The following PPP2R3A variants were observed in gnomAD, a reference collection of about 807,000 sequenced individuals.
The protein encoded by PPP2R3A is serine/threonine-protein phosphatase 2A regulatory subunit B'' subunit alpha.
Under a neutral mutation model 106.9 loss-of-function variants are expected in PPP2R3A, and 80 were observed. That is an observed-to-expected ratio of 0.75 (90% CI 0.62 to 0.90). The LOEUF (loss-of-function observed/expected upper bound fraction) is 0.90, where lower values mean the gene tolerates loss of function less well. PPP2R3A is among the 40% of genes least tolerant of loss of function. The pLI is 0.00. For missense variants in PPP2R3A, 1,386 were observed against 1,350.4 expected (o/e 1.03, Z -0.41); for synonymous variants, 483 against 468.3 (o/e 1.03, Z -0.41).
intron 2 of PPP2R3A, among the ~76,000 whole-genome samples, chr3:136,021,952 T>G (rs2107815234): frequency 6.6e-6 from 1 of 152,238 alleles, no homozygotes; most frequent in African/African-American, 2.4e-5. Flanking sequence ...ATATTACACA[T>G]TTTATGTAAG....
chr3:136,091,455 A>ATATTTT (rs1184899406), intron 10 of PPP2R3A, among the ~76,000 whole-genome samples: 1 of 152,122 alleles, frequency 6.6e-6, no homozygotes, highest in African/African-American at 2.4e-5. Context: ...ATCTCTACAG[A>ATATTTT]TAAATGTTTT....
intron 2 of PPP2R3A, among the ~76,000 whole-genome samples, chr3:136,021,638 AT>A (rs1934469564): frequency 6.6e-6 from 1 of 152,082 alleles, no homozygotes; most frequent in Non-Finnish European, 1.5e-5. Flanking sequence ...TTTGGTGTAT[AT>A]TTTCTAGACA....
chr3:136,064,597 G>A (rs1035206776), intron 5 of PPP2R3A, among the ~76,000 whole-genome samples: 3 of 151,968 alleles, frequency 2.0e-5, no homozygotes, highest in African/African-American at 7.2e-5. Context: ...AAATAAAAAT[G>A]ATTTCTAATT....
chr3:136,055,667 A>C, intron 5 of PPP2R3A: 1 of 1,120,002 alleles, frequency 8.9e-7, no homozygotes, highest in Middle Eastern at 2.0e-4. Context: ...GTTGTTCATA[A>C]GGAGCTTACT....
chr3:136,068,355 T>TA (rs545431607), intron 5 of PPP2R3A, among the ~76,000 whole-genome samples: 20 of 151,660 alleles, frequency 1.3e-4, no homozygotes, highest in South Asian at 4.2e-4. Context: ...TCTGCGCTGT[T>TA]AAAAAAAAGT....
At chr3:136,079,406 A>G (rs936879227) in intron 7 of PPP2R3A, 1 of 155,486 alleles carries the variant, frequency 6.4e-6, no homozygotes, top group Non-Finnish European at 1.4e-5. Flanking sequence ...ATAATCCATA[A>G]TTTTTTTTTT....
rs571271178 is a variant in PPP2R3A, at chr3:135,987,706, C to T, written c.-440-13353C>T. On this transcript the variant is annotated intron_variant, in intron 1 of 13. Coordinates refer to ENST00000264977, the MANE Select transcript of PPP2R3A (RefSeq NM_002718.5). ...CTCTCTGGCCATTTTTTGTCAGTCTCCTTTGCTGGTTCTTCTTCAATTCGC... is the reference window on the plus strand; with the variant it reads ...CTCTCTGGCCATTTTTTGTCAGTCTTCTTTGCTGGTTCTTCTTCAATTCGC... Among the ~76,000 whole-genome samples, 5 of 152,054 alleles carry T rather than the reference C, an allele frequency of 3.3e-5. No individual in the cohort carries two copies. The East Asian group carries it at 5.8e-4, about 18-fold the overall frequency.
intron 12 of PPP2R3A, among the ~76,000 whole-genome samples, chr3:136,105,302 G>A (rs1266340066): frequency 6.6e-6 from 1 of 152,158 alleles, no homozygotes; most frequent in Non-Finnish European, 1.5e-5. Context: ...GAGGAGAGGG[G>A]ACCAGAGAAA....
intron 1 of PPP2R3A, among the ~76,000 whole-genome samples, chr3:135,974,729 C>G (rs1396993797): frequency 6.6e-6 from 1 of 152,254 alleles, no homozygotes; most frequent in Non-Finnish European, 1.5e-5. Context: ...CACCCCAACC[C>G]CCTAGACTGA....
chr3:135,989,776 A>G (rs1376560043), intron 1 of PPP2R3A, among the ~76,000 whole-genome samples: 2 of 152,172 alleles, frequency 1.3e-5, no homozygotes, highest in East Asian at 1.9e-4. Context: ...TACAATATCT[A>G]TAAGTTGTAT....
chr3:136,068,034 G>C (rs1383047420), intron 5 of PPP2R3A, among the ~76,000 whole-genome samples: 2 of 152,188 alleles, frequency 1.3e-5, no homozygotes, highest in East Asian at 3.9e-4. Flanking sequence ...AGACCAGCCA[G>C]GGCAACATGG....
chr3:136,117,114 A>C (rs965506957), intron 13 of PPP2R3A, among the ~76,000 whole-genome samples: 1 of 152,154 alleles, frequency 6.6e-6, no homozygotes, highest in Admixed American at 6.5e-5. Context: ...CATGGAAACT[A>C]AACAACCTTC....
At chr3:136,124,336 CG>C (rs1938106299) in intron 13 of PPP2R3A, among the ~76,000 whole-genome samples, 1 of 151,930 alleles carries the variant, frequency 6.6e-6, no homozygotes, top group Non-Finnish European at 1.5e-5. Context: ...CAGAATTAGC[CG>C]GGCATGGGGA....
intron 6 of PPP2R3A, among the ~76,000 whole-genome samples, chr3:136,074,126 A>T (rs1393777446): frequency 1.3e-5 from 2 of 152,226 alleles, no homozygotes; most frequent in African/African-American, 2.4e-5. Context: ...TGCTAGTGTT[A>T]CTCAGTTCTT....
At chr3:136,111,662 A>C (rs994442099) in intron 13 of PPP2R3A, among the ~76,000 whole-genome samples, 4 of 152,106 alleles carry the variant, frequency 2.6e-5, no homozygotes, top group Non-Finnish European at 2.9e-5. Context: ...TAAAAAAAAA[A>C]AACTACCAAT....
At chr3:136,084,141 C>T (rs1936860953) in intron 8 of PPP2R3A, among the ~76,000 whole-genome samples, 1 of 152,184 alleles carries the variant, frequency 6.6e-6, no homozygotes, top group African/African-American at 2.4e-5. Flanking sequence ...CATGACAGCC[C>T]CTCCCATCAC....
chr3:136,134,633 AC>A (rs1370153435), intron 13 of PPP2R3A, among the ~76,000 whole-genome samples: 1 of 152,166 alleles, frequency 6.6e-6, no homozygotes, highest in Non-Finnish European at 1.5e-5. Flanking sequence ...CAAAATATTA[AC>A]AGTCATTAAC....
chr3:136,030,759 C>CAT (rs1559878018), intron 3 of PPP2R3A, among the ~76,000 whole-genome samples: 4 of 69,960 alleles, frequency 5.7e-5, no homozygotes, highest in African/African-American at 1.9e-4. Flanking sequence ...AGTATTCCAT[C>CAT]ACATATATAT....
At chr3:136,066,719 G>A (rs898271592) in intron 5 of PPP2R3A, among the ~76,000 whole-genome samples, 3 of 152,020 alleles carry the variant, frequency 2.0e-5, no homozygotes, top group Admixed American at 6.6e-5. Context: ...CAGATCTCAT[G>A]AGAACTCACT....
Sources: gnomAD v4.1 joint callset for allele counts (sites outside exome capture counted in the v4.1 genomes callset) on GRCh38, gnomAD v4.1.1 for gene constraint, MANE v1.5 for transcripts, NCBI Gene and HGNC (gene_info 2026-07-23, HGNC 2026-07-21) for gene names.